The following BTG4 variants were observed in gnomAD, a reference collection of about 807,000 sequenced individuals.
BTG4 encodes BTG anti-proliferation factor 4.
Under a neutral mutation model 19.3 loss-of-function variants are expected in BTG4, and 10 were observed. The ratio of observed to expected loss-of-function variants is 0.52; its 90% CI spans 0.32 to 0.88. The LOEUF (loss-of-function observed/expected upper bound fraction) is 0.88, where lower values mean the gene tolerates loss of function less well. Ranked by LOEUF, BTG4 falls within the 40% of genes least tolerant of loss-of-function variation. BTG4 has a pLI of 0.04. For missense variants in BTG4, 238 were observed against 281.9 expected (o/e 0.84, Z 1.11); for synonymous variants, 91 against 95.7 (o/e 0.95, Z 0.29).
intron 1 of BTG4, among the ~76,000 whole-genome samples, chr11:111,509,700 AAAAAACAAAAAC>A (rs150136652): frequency 1.1e-3 from 174 of 151,890 alleles, no homozygotes; most frequent in African/African-American, 2.5e-3. Context: ...CCATCTCAAA[AAAAAACAAAAAC>A]AAAAACAAAA....
At chr11:111,459,254 T>C in the BTG4 span, among the ~76,000 whole-genome samples, 1 of 151,794 alleles carries the variant, frequency 6.6e-6, no homozygotes. Context: ...AAAAAAAAAT[T>C]GTGCATACTT....
At chr11:111,407,668 C>CA in the BTG4 span, among the ~76,000 whole-genome samples, 2 of 151,972 alleles carry the variant, frequency 1.3e-5, no homozygotes, top group Non-Finnish European at 2.9e-5. Context: ...GAGACTCCAT[C>CA]AAAAAAATAA....
At chr11:111,458,681 T>A in the BTG4 span, among the ~76,000 whole-genome samples, 1 of 148,838 alleles carries the variant, frequency 6.7e-6, no homozygotes, top group South Asian at 2.2e-4. Context: ...AAGAAAGGAG[T>A]TCATCCCAAA....
Position 111,495,095 on chromosome 11 carries a change from C to T in BTG4, c.*40G>A. The stretch of plus-strand genomic sequence containing the variant: ...TTTTATTTTAGAGAGAATAAAGGCA[C>T]TCCTCTGAGCTCTTGCCCACCACGT... On this transcript the variant is annotated 3_prime_UTR_variant, in exon 5 of 5. Coordinates refer to ENST00000692032, the MANE Select transcript of BTG4 (RefSeq NM_001367975.1). 2 of 1,471,194 alleles carry T rather than the reference C, an allele frequency of 1.4e-6. No homozygotes were observed. The highest frequency in any genetic ancestry group is 1.8e-6 in the Non-Finnish European group (2 of 1,113,560). 91.1% of individuals were successfully genotyped at this position (1,471,194 alleles called of 1,614,324 possible).
intron 4 of BTG4, 44 bp downstream of exon 4, chr11:111,497,167 T>A: frequency 6.5e-7 from 1 of 1,529,960 alleles, no homozygotes; most frequent in Non-Finnish European, 9.0e-7. Flanking sequence ...CTTTTTAGAA[T>A]TAGATAGAAA....
chr11:111,496,923 A>C (rs1465635578), intron 4 of BTG4: 1 of 370,354 alleles, frequency 2.7e-6, no homozygotes, highest in African/African-American at 2.1e-5. Context: ...TTAATCTTTG[A>C]TTCTGTAGGA....
chr11:111,473,539 T>G (rs1864208356), intron 5 of BTG4: 1 of 152,204 alleles, frequency 6.6e-6, no homozygotes, highest in Non-Finnish European at 1.5e-5. Flanking sequence ...AATAAAAGGT[T>G]GGAAATGAGT....
chr11:111,473,830 C>T (rs1591455628), intron 5 of BTG4, among the ~76,000 whole-genome samples: 1 of 152,106 alleles, frequency 6.6e-6, no homozygotes, highest in Non-Finnish European at 1.5e-5. Flanking sequence ...TGGAGGAGAA[C>T]AAAAAGTAGC....
rs767021449 is a variant in BTG4, at chr11:111,495,333, A to T, written c.511-19T>A. 6.3e-7 allele frequency: 1 copy of T among 1,596,248 alleles called. No individual in the cohort carries two copies. Among genetic ancestry groups the T allele is most frequent in the Non-Finnish European group, 8.6e-7 (1 of 1,166,698 alleles). ...TTTCAACCTGGAAAAAAAAAGTATA[A>T]AGATCTCTAATAAGCTAGCTGTAAG... On this transcript the variant is annotated intron_variant, in intron 4 of 4. Coordinates refer to ENST00000692032, the MANE Select transcript of BTG4 (RefSeq NM_001367975.1).
chr11:111,412,549 TAACAAC>T, the BTG4 span, among the ~76,000 whole-genome samples: 2 of 152,188 alleles, frequency 1.3e-5, no homozygotes, highest in Admixed American at 6.5e-5. Flanking sequence ...TATAGAATAA[TAACAAC>T]AACAGTGAAT....
At chr11:111,397,883 G>C in the BTG4 span, 1 of 152,192 alleles carries the variant, frequency 6.6e-6, no homozygotes, top group Non-Finnish European at 1.5e-5. Flanking sequence ...TGGGATCACT[G>C]TTTTTAAGAT....
the BTG4 span, among the ~76,000 whole-genome samples, chr11:111,446,177 G>A: frequency 6.6e-6 from 1 of 152,212 alleles, no homozygotes; most frequent in Non-Finnish European, 1.5e-5. Flanking sequence ...CCTGGGAAAT[G>A]TATGTGATTG....
At chr11:111,421,599 C>T in the BTG4 span, among the ~76,000 whole-genome samples, 4 of 152,198 alleles carry the variant, frequency 2.6e-5, no homozygotes, top group Non-Finnish European at 5.9e-5. Flanking sequence ...TCCCCAGCAA[C>T]ACTATAAACT....
chr11:111,426,595 C>T, the BTG4 span, among the ~76,000 whole-genome samples: 1 of 148,032 alleles, frequency 6.8e-6, no homozygotes, highest in African/African-American at 2.5e-5. Flanking sequence ...ACTCTCCCTC[C>T]ATGCTCCAGA....
the BTG4 span, chr11:111,455,823 C>T: frequency 2.2e-6 from 1 of 456,152 alleles, no homozygotes; most frequent in Non-Finnish European, 4.4e-6. Flanking sequence ...AGGGCCACCG[C>T]CTGAAGGCCT....
At chr11:111,499,367 G>A (rs1030073016) in intron 1 of BTG4, among the ~76,000 whole-genome samples, 9 of 152,140 alleles carry the variant, frequency 5.9e-5, no homozygotes, top group African/African-American at 1.9e-4. Flanking sequence ...TATAAGCCTG[G>A]GCCCTAAAGG....
At chr11:111,452,303 C>T in the BTG4 span, 2 of 152,316 alleles carry the variant, frequency 1.3e-5, no homozygotes, top group African/African-American at 4.8e-5. Flanking sequence ...TTTACACAGT[C>T]ATCCAACTAT....
chr11:111,415,852 A>G, the BTG4 span: 5 of 152,164 alleles, frequency 3.3e-5, no homozygotes, highest in Non-Finnish European at 4.4e-5. Flanking sequence ...ATCAGACTGG[A>G]CAATATAGCA....
chr11:111,384,232 G>A, the BTG4 span, among the ~76,000 whole-genome samples: 1 of 151,082 alleles, frequency 6.6e-6, no homozygotes. Context: ...CTATGGTGTT[G>A]GCCAGTACTA....
Sources: gnomAD v4.1 joint callset for allele counts (sites outside exome capture counted in the v4.1 genomes callset) on GRCh38, gnomAD v4.1.1 for gene constraint, MANE v1.5 for transcripts, NCBI Gene and HGNC (gene_info 2026-07-23, HGNC 2026-07-21) for gene names.